B3GALT1: variants seen among roughly 807,000 people sequenced by gnomAD.
B3GALT1 encodes UDP-Gal:betaGlcNAc beta 1,3-galactosyltransferase, polypeptide 1.
A neutral mutation model predicts 23.2 loss-of-function variants in B3GALT1; 10 were observed. That is an observed-to-expected ratio of 0.43 (90% CI 0.27 to 0.73). The LOEUF (loss-of-function observed/expected upper bound fraction) is 0.73. Among genes scored for constraint, B3GALT1 ranks in the 30% least tolerant of loss-of-function variants. The pLI is 0.21. For synonymous variants in B3GALT1, 156 were observed against 141.5 expected, an observed-to-expected ratio of 1.10 and a Z score of -0.73; for missense variants, 299 against 405.4, an observed-to-expected ratio of 0.74 and a Z score of 2.25.
intron 2 of B3GALT1, among the ~76,000 whole-genome samples, chr2:167,511,101 A>AT (rs1445031626): frequency 7.2e-5 from 11 of 152,296 alleles, no homozygotes; most frequent in African/African-American, 2.2e-4. Context: ...ATACAGAAGG[A>AT]TGTTTGTTGT....
At chr2:167,840,900 A>G (rs1689632107) in intron 4 of B3GALT1, among the ~76,000 whole-genome samples, 1 of 147,178 alleles carries the variant, frequency 6.8e-6, no homozygotes. Context: ...ATTGGAAATC[A>G]TCATTCTCAG....
intron 4 of B3GALT1, among the ~76,000 whole-genome samples, chr2:167,860,891 T>C (rs1229348648): frequency 1.3e-5 from 2 of 151,186 alleles, no homozygotes; most frequent in African/African-American, 4.9e-5. Flanking sequence ...CATCTAAAAA[T>C]AAAACAAATT....
intron 3 of B3GALT1, among the ~76,000 whole-genome samples, chr2:167,787,766 T>A (rs1688367850): frequency 6.6e-6 from 1 of 152,092 alleles, no homozygotes. Context: ...CCCTTGAGGG[T>A]GGAGCAGCCT....
chr2:167,398,960 C>A (rs35680981), intron 1 of B3GALT1, among the ~76,000 whole-genome samples: 1 of 152,094 alleles, frequency 6.6e-6, no homozygotes, highest in Non-Finnish European at 1.5e-5. Flanking sequence ...CAGCACAGAC[C>A]TCATATGCCA....
intron 3 of B3GALT1, among the ~76,000 whole-genome samples, chr2:167,719,481 A>G (rs1205106469): frequency 6.6e-6 from 1 of 152,258 alleles, no homozygotes; most frequent in Non-Finnish European, 1.5e-5. Flanking sequence ...TATAGAAAAT[A>G]GAATTTCATG....
chr2:167,375,798 G>A (rs974678464), intron 1 of B3GALT1, among the ~76,000 whole-genome samples: 1 of 151,960 alleles, frequency 6.6e-6, no homozygotes, highest in Non-Finnish European at 1.5e-5. Context: ...GAGATCAGTT[G>A]TCTTCTTCCT....
chr2:167,806,409 T>A (rs1688754870), intron 3 of B3GALT1, among the ~76,000 whole-genome samples: 1 of 152,242 alleles, frequency 6.6e-6, no homozygotes, highest in African/African-American at 2.4e-5. Flanking sequence ...CTTGTGCCAG[T>A]TTTCAAAGGG....
chr2:167,534,111 A>G (rs985208703), intron 2 of B3GALT1, among the ~76,000 whole-genome samples: 2 of 152,064 alleles, frequency 1.3e-5, no homozygotes, highest in Non-Finnish European at 2.9e-5. Flanking sequence ...TATATGGTGT[A>G]TTTCTTTTTA....
At chr2:167,717,248 A>G (rs1400807190) in intron 3 of B3GALT1, among the ~76,000 whole-genome samples, 10 of 146,604 alleles carry the variant, frequency 6.8e-5, no homozygotes, top group Non-Finnish European at 1.5e-4. Flanking sequence ...GATCATAGAT[A>G]TTATGATGCC....
chr2:167,607,491 G>C (rs1455405684), intron 2 of B3GALT1, among the ~76,000 whole-genome samples: 1 of 152,160 alleles, frequency 6.6e-6, no homozygotes, highest in Non-Finnish European at 1.5e-5. Context: ...ATATAACTTA[G>C]CTGTATGCCC....
intron 3 of B3GALT1, among the ~76,000 whole-genome samples, chr2:167,743,610 T>C (rs1687609372): frequency 6.6e-6 from 1 of 152,108 alleles, no homozygotes; most frequent in Admixed American, 6.5e-5. Flanking sequence ...AAATCGGTTT[T>C]GGTAATAATA....
rs555511755 is a variant in B3GALT1, at chr2:167,621,152, A to G, written c.-409-25757A>G. ...CACCCAGGCTGGAGTGCAGTGGCAC[A>G]ATTATGGCTCACTGCAGCCTTGACC... On this transcript the variant is annotated intron_variant, in intron 2 of 4. Coordinates refer to ENST00000392690, the MANE Select transcript of B3GALT1 (RefSeq NM_020981.4). Among the ~76,000 whole-genome samples, 38 of 147,286 alleles carry G rather than the reference A, an allele frequency of 2.6e-4. 1 individual carries two copies. In the Admixed American group the frequency reaches 2.6e-3, roughly 10 times the overall value.
At chr2:167,318,847 T>C (rs935059270) in intron 1 of B3GALT1, among the ~76,000 whole-genome samples, 2 of 152,026 alleles carry the variant, frequency 1.3e-5, no homozygotes, top group Admixed American at 1.3e-4. Flanking sequence ...TCTCACAGGC[T>C]GAAAATCAGC....
intron 2 of B3GALT1, among the ~76,000 whole-genome samples, chr2:167,606,354 A>G (rs933369763): frequency 2.6e-5 from 4 of 152,242 alleles, no homozygotes; most frequent in African/African-American, 4.8e-5. Flanking sequence ...AATGAATTGA[A>G]CTATAAAATA....
intron 3 of B3GALT1, among the ~76,000 whole-genome samples, chr2:167,661,948 C>T (rs963123915): frequency 6.6e-6 from 1 of 151,950 alleles, no homozygotes; most frequent in African/African-American, 2.4e-5. Flanking sequence ...ACCTATCTCA[C>T]TCTGGGACAT....
intron 1 of B3GALT1, among the ~76,000 whole-genome samples, chr2:167,357,743 A>G (rs1697438057): frequency 6.6e-6 from 1 of 152,220 alleles, no homozygotes; most frequent in Admixed American, 6.5e-5. Context: ...TAAAAGCCAT[A>G]CATTCTTCTA....
At chr2:167,296,828 G>C (rs1307063464) in intron 1 of B3GALT1, among the ~76,000 whole-genome samples, 2 of 151,948 alleles carry the variant, frequency 1.3e-5, no homozygotes, top group Non-Finnish European at 2.9e-5. Flanking sequence ...TATTCTATTG[G>C]GGTGCAATAG....
intron 3 of B3GALT1, among the ~76,000 whole-genome samples, chr2:167,798,936 G>A (rs149038245): frequency 3.2e-4 from 48 of 152,256 alleles, no homozygotes; most frequent in African/African-American, 9.4e-4. Context: ...GGTATGACCC[G>A]TTATTTAGTC....
intron 1 of B3GALT1, among the ~76,000 whole-genome samples, chr2:167,443,729 C>G (rs1698933868): frequency 6.6e-6 from 1 of 152,174 alleles, no homozygotes; most frequent in Non-Finnish European, 1.5e-5. Context: ...TATCCTGAGA[C>G]TTTGCTGAAG....
Sources: allele counts gnomAD v4.1 joint callset (sites outside exome capture counted in the v4.1 genomes callset), GRCh38; gene constraint gnomAD v4.1.1; transcripts MANE v1.5; gene names NCBI Gene and HGNC (gene_info 2026-07-23, HGNC 2026-07-21).